The following DDX60 variants were observed in gnomAD, a reference collection of about 807,000 sequenced individuals.
DDX60 encodes probable ATP-dependent RNA helicase DDX60.
DDX60 carries 165 observed loss-of-function variants against 212.8 expected under a neutral mutation model. The observed-to-expected ratio is 0.78, with a 90% CI of 0.68 to 0.88. DDX60 has a LOEUF of 0.88. Among genes scored for constraint, DDX60 ranks in the 40% least tolerant of loss-of-function variants. DDX60 has a pLI of 0.00. For synonymous variants in DDX60, 703 were observed against 685.3 expected, an observed-to-expected ratio of 1.03 and a Z score of -0.40; for missense variants, 1,905 against 2,003.9, an observed-to-expected ratio of 0.95 and a Z score of 0.94.
In DDX60 at chr4:168,262,581, A is replaced by T. The variant is rs75233633; in HGVS notation, c.3144+102T>A. On this transcript the variant is annotated intron_variant, in intron 23 of 37. Coordinates refer to ENST00000393743, the MANE Select transcript of DDX60 (RefSeq NM_017631.6). ...GGCACTCTTATTGTAGGAAGAGTCA[A>T]CTAATAATTTTAAAAGATTAGATGC... 9.4e-4 allele frequency: 706 copies of T among 754,758 alleles called. No individual in the cohort carries two copies. The African/African-American group carries it at 0.011, about 12-fold the overall frequency. 46.8% of individuals were successfully genotyped at this position (754,758 alleles called of 1,614,324 possible). A position where few individuals can be genotyped will look rare whatever the true frequency, so the allele number is the denominator to read the frequency against.
At chr4:168,249,616 A>G (rs889633306) in intron 28 of DDX60, among the ~76,000 whole-genome samples, 1 of 152,212 alleles carries the variant, frequency 6.6e-6, no homozygotes, top group Non-Finnish European at 1.5e-5. Flanking sequence ...TCATTAACCT[A>G]TTAGTAATTG....
At chr4:168,321,141 T>G (rs1178624315), upstream of DDX60, among the ~76,000 whole-genome samples, 1 of 152,178 alleles carries the variant, frequency 6.6e-6, no homozygotes, top group East Asian at 1.9e-4. Context: ...CTTTTTATTT[T>G]TTTTTTACTT....
chr4:168,238,236 CAAAAAAAAAA>C (rs57638327), intron 30 of DDX60, among the ~76,000 whole-genome samples: 4 of 80,892 alleles, frequency 4.9e-5, no homozygotes, highest in Admixed American at 1.3e-4. Context: ...TATGAAATTC[CAAAAAAAAAA>C]AAAAAAAAAA....
chr4:168,258,396 C>A (rs1417633560), intron 25 of DDX60, among the ~76,000 whole-genome samples: 2 of 152,076 alleles, frequency 1.3e-5, no homozygotes, highest in Non-Finnish European at 2.9e-5. Flanking sequence ...TGCCCTTAAG[C>A]ACACACTGCC....
chr4:168,318,421 C>T (rs79617841), intron 1 of DDX60, among the ~76,000 whole-genome samples: 2,638 of 152,374 alleles, frequency 0.017, 26 homozygotes, highest in Non-Finnish European at 0.027. Context: ...TTTCCTCCGC[C>T]CCTCCCCACG....
In DDX60 at chr4:168,237,546, T is replaced by G. The variant is rs531545429; in HGVS notation, c.4270-119A>C. On this transcript the variant is annotated intron_variant, in intron 31 of 37. Coordinates refer to ENST00000393743, the MANE Select transcript of DDX60 (RefSeq NM_017631.6). ...TATAAGAAATATTTATAACTATTAC[T>G]GGGCCCAACTTTTATAATTATACCA... is the stretch of plus-strand genomic sequence containing the variant. 5.9e-6 allele frequency: 7 copies of G among 1,186,248 alleles called. No homozygotes were observed. In the South Asian group the frequency reaches 1.1e-4, roughly 18 times the overall value. 73.5% of individuals were successfully genotyped at this position (1,186,248 alleles called of 1,614,324 possible). A position where few individuals can be genotyped will look rare whatever the true frequency, so the allele number is the denominator to read the frequency against.
upstream of DDX60, among the ~76,000 whole-genome samples, chr4:168,320,666 T>C (rs571361036): frequency 2.0e-5 from 3 of 152,232 alleles, no homozygotes; most frequent in Admixed American, 6.5e-5. Context: ...ATGAATAACA[T>C]ATTTGCAAAC....
chr4:168,241,002 G>A (rs1165872291), intron 30 of DDX60, among the ~76,000 whole-genome samples: 1 of 152,172 alleles, frequency 6.6e-6, no homozygotes, highest in African/African-American at 2.4e-5. Context: ...AATCATGGGG[G>A]CAGATCTTGC....
chr4:168,260,052 A>C (rs1484605550), intron 25 of DDX60, among the ~76,000 whole-genome samples: 1 of 152,200 alleles, frequency 6.6e-6, no homozygotes, highest in Non-Finnish European at 1.5e-5. Context: ...AATTCATAAT[A>C]GCACAAATAC....
rs559439596 is a variant in DDX60 at position 168,244,488 on chromosome 4, A to T, written c.4164+1930T>A. On this transcript the variant is annotated intron_variant, in intron 30 of 37. Coordinates refer to ENST00000393743, the MANE Select transcript of DDX60 (RefSeq NM_017631.6). ...ACGCCTGTAATCCCAGTACTTTGGG[A>T]GGCTAAGGTGGGTGGATCACAAGGT... 2.7e-3 allele frequency among the ~76,000 whole-genome samples: 406 copies of T among 152,280 alleles called. 2 individuals are homozygous for T. In the Middle Eastern group the frequency reaches 0.034, roughly 13 times the overall value.
At position 168,275,439 on chromosome 4, in the gene DDX60, C is replaced by T. The variant is rs574811561; in HGVS notation, c.2210G>A (p.Arg737Gln). The T allele has an allele frequency of 1.4e-5, 22 of 1,612,380 alleles. 1 individual carries two copies. The highest frequency in any genetic ancestry group is 8.8e-5 in the South Asian group (8 of 90,538). ...ATGGCCCATGTATTGCAGTTGGAAC[C>T]GAGCTGGCCCAATGCCAACTGAATA... is the stretch of plus-strand genomic sequence containing the variant. ...NKYSVGIGPA[R>Q]FQLQYMGHYL... Residue 737 changes from arginine (R) to glutamine (Q), a missense_variant, in exon 16 of 38, where the codon CGG becomes CAG. Physicochemically the swap from Arg to Gln is conservative, Grantham distance 43 (BLOSUM62 1). Coordinates refer to ENST00000393743, the MANE Select transcript of DDX60 (RefSeq NM_017631.6).
chr4:168,273,460 C>T, intron 17 of DDX60, 62 bp from the exon 18 acceptor site: 1 of 1,595,684 alleles, frequency 6.3e-7, no homozygotes, highest in Non-Finnish European at 8.5e-7. Context: ...TATCAGAGGA[C>T]AACAAGAACT....
At position 168,237,809 on chromosome 4, in the gene DDX60, A is replaced by T; in HGVS notation, c.4165-14T>A. On this transcript the variant is annotated splice_polypyrimidine_tract_variant and intron_variant, in intron 30 of 37. Transcript: ENST00000393743. ...CACTGATAGCACCTTTAAAGAAAAG[A>T]GTATTTTTAGACACACAATGTTAAG... The T allele has an allele frequency of 6.4e-7, 1 of 1,574,346 alleles. No individual in the cohort carries two copies.
intron 19 of DDX60, among the ~76,000 whole-genome samples, chr4:168,271,032 C>T (rs1735074340): frequency 6.6e-6 from 1 of 151,924 alleles, no homozygotes; most frequent in South Asian, 2.1e-4. Flanking sequence ...CACCTGCCAC[C>T]ACACCCAGCT....
intron 9 of DDX60, 58 bp from the exon 10 acceptor site, chr4:168,287,261 C>T (rs1380851539): frequency 4.2e-6 from 6 of 1,417,324 alleles, no homozygotes; most frequent in Non-Finnish European, 5.8e-6. Context: ...CATAAAGAAT[C>T]ATTAGTCACA....
At chr4:168,221,584 C>T in intron 36 of DDX60, 146 bp downstream of exon 36, 5 of 825,056 alleles carry the variant, frequency 6.1e-6, no homozygotes, top group Non-Finnish European at 8.6e-6. Flanking sequence ...CCATTAGTCT[C>T]TAAAAAAAAT....
At chr4:168,277,677 T>C (rs934584217) in intron 14 of DDX60, among the ~76,000 whole-genome samples, 26 of 151,482 alleles carry the variant, frequency 1.7e-4, no homozygotes, top group African/African-American at 4.8e-4. Flanking sequence ...GATGCGGTGG[T>C]GGGCGCCTGT....
chr4:168,237,158 T>A, intron 32 of DDX60, 128 bp downstream of exon 32: 1 of 593,964 alleles, frequency 1.7e-6, no homozygotes, highest in East Asian at 3.5e-5. Context: ...CAATTGAAGA[T>A]CTATAAATTA....
At chr4:168,221,115 T>C (rs1392517070) in intron 36 of DDX60, among the ~76,000 whole-genome samples, 1 of 151,954 alleles carries the variant, frequency 6.6e-6, no homozygotes, top group East Asian at 1.9e-4. Flanking sequence ...CTTTGAAGAG[T>C]GTCAGATATT....
Sources: gnomAD v4.1 joint callset for allele counts (sites outside exome capture counted in the v4.1 genomes callset) on GRCh38, gnomAD v4.1.1 for gene constraint, MANE v1.5 for transcripts, NCBI Gene and HGNC (gene_info 2026-07-23, HGNC 2026-07-21) for gene names.